The following WWOX variants were observed in gnomAD, a reference collection of about 807,000 sequenced individuals.
WWOX encodes WW domain containing oxidoreductase.
In WWOX, 69 loss-of-function variants were observed where a neutral mutation model predicts 46.2. The observed-to-expected ratio is 1.49, with a 90% CI of 1.23 to 1.82. WWOX has a LOEUF of 1.82. Ranked by LOEUF, WWOX falls within the 40% of genes most tolerant of loss-of-function variation. The probability of loss-of-function intolerance (pLI) is 0.00; values close to 1 mark genes in which losing one functional copy is unlikely to be tolerated. For missense variants in WWOX, 919 were observed against 542.6 expected (o/e 1.69, Z -6.89); for synonymous variants, 359 against 202.6 (o/e 1.77, Z -6.56).
chr16:78,321,579 G>A lies in WWOX; in HGVS notation c.517-65281G>A, dbSNP rs535023132. On this transcript the variant is annotated intron_variant, in intron 5 of 8. Transcript: ENST00000566780. The stretch of plus-strand genomic sequence containing the variant: ...AGGACTGAATTTGAAGTCCTTAAAT[G>A]GATGTCCTAACAGTGAATAAAGACG... Among the ~76,000 whole-genome samples, 485 of 152,032 alleles carry A rather than the reference G, an allele frequency of 3.2e-3. 2 individuals are homozygous for A. The highest frequency in any genetic ancestry group is 0.011 in the African/African-American group (466 of 41,460).
intron 8 of WWOX, among the ~76,000 whole-genome samples, chr16:78,554,004 G>A (rs752586112): frequency 6.6e-6 from 1 of 152,062 alleles, no homozygotes; most frequent in Non-Finnish European, 1.5e-5. Context: ...TTTTCTGAGG[G>A]CATCAAACAC....
intron 8 of WWOX, among the ~76,000 whole-genome samples, chr16:78,681,990 A>G (rs1192943026): frequency 6.6e-6 from 1 of 152,172 alleles, no homozygotes; most frequent in Non-Finnish European, 1.5e-5. Flanking sequence ...CTCTCAGACC[A>G]CAGTTGGAGC....
intron 8 of WWOX, among the ~76,000 whole-genome samples, chr16:78,859,655 C>T (rs576358749): frequency 6.6e-6 from 1 of 152,088 alleles, no homozygotes; most frequent in Non-Finnish European, 1.5e-5. Flanking sequence ...CTGTGATTCT[C>T]TTGGTTTAAG....
chr16:78,893,452 C>G (rs911886173), intron 8 of WWOX, among the ~76,000 whole-genome samples: 1 of 152,052 alleles, frequency 6.6e-6, no homozygotes, highest in Non-Finnish European at 1.5e-5. Flanking sequence ...TTTTCTGTTG[C>G]TACTTAGGAA....
chr16:78,189,606 C>G (rs562724401), intron 5 of WWOX, among the ~76,000 whole-genome samples: 1 of 152,174 alleles, frequency 6.6e-6, no homozygotes, highest in Non-Finnish European at 1.5e-5. Flanking sequence ...CAGTGGCTAT[C>G]ATAATAATGG....
intron 8 of WWOX, among the ~76,000 whole-genome samples, chr16:78,888,415 A>T (rs77291319): frequency 0.021 from 3,262 of 152,176 alleles, 113 homozygotes; most frequent in Admixed American, 0.086. Flanking sequence ...TGTTACTCCT[A>T]TTCTTTTTGT....
chr16:78,155,066 G>T (rs1025303137), intron 4 of WWOX, among the ~76,000 whole-genome samples: 4 of 152,144 alleles, frequency 2.6e-5, no homozygotes, highest in Non-Finnish European at 5.9e-5. Context: ...TGGGCCCCCA[G>T]TGGTGTAAGC....
intron 8 of WWOX, among the ~76,000 whole-genome samples, chr16:78,695,798 C>T (rs917638295): frequency 6.6e-6 from 1 of 152,208 alleles, no homozygotes; most frequent in Non-Finnish European, 1.5e-5. Context: ...GAGCATTGAC[C>T]AGGTGCCCAA....
At chr16:78,526,321 T>G (rs1399637240) in intron 8 of WWOX, 2 of 152,294 alleles carry the variant, frequency 1.3e-5, no homozygotes, top group East Asian at 1.9e-4. Context: ...TGCGACCTTT[T>G]CTTCCAAGAG....
chr16:79,134,823 G>A (rs760084571), intron 8 of WWOX, among the ~76,000 whole-genome samples: 6 of 152,172 alleles, frequency 3.9e-5, no homozygotes, highest in Non-Finnish European at 8.8e-5. Context: ...ATTTGACACG[G>A]GATGGCCTAA....
intron 8 of WWOX, among the ~76,000 whole-genome samples, chr16:78,921,244 G>A (rs778338637): frequency 1.1e-4 from 17 of 152,008 alleles, no homozygotes; most frequent in East Asian, 5.8e-4. Context: ...CCTCGAAACC[G>A]CACTGTGCCA....
chr16:78,394,788 A>G (rs2082248563), intron 6 of WWOX, among the ~76,000 whole-genome samples: 2 of 152,246 alleles, frequency 1.3e-5, no homozygotes, highest in South Asian at 4.1e-4. Context: ...ACAATGGGCC[A>G]GATTGGCCAG....
In WWOX at chr16:79,062,608, G is replaced by C. The variant is rs1449645302; in HGVS notation, c.1057-149000G>C. Among the ~76,000 whole-genome samples the C allele has an allele frequency of 2.0e-5, 3 of 151,860 alleles. No individual in the cohort carries two copies. In the East Asian group the frequency reaches 5.8e-4, roughly 29 times the overall value. ...GGAGAGTAATGACAACTTCAAATTAGTTTAATGAATGTTTACATTTAAAAA... is the reference window on the plus strand; with the variant it reads ...GGAGAGTAATGACAACTTCAAATTACTTTAATGAATGTTTACATTTAAAAA... On this transcript the variant is annotated intron_variant, in intron 8 of 8. Transcript: ENST00000566780.
At chr16:79,030,707 A>G (rs2151394932) in intron 8 of WWOX, among the ~76,000 whole-genome samples, 1 of 152,256 alleles carries the variant, frequency 6.6e-6, no homozygotes, top group South Asian at 2.1e-4. Context: ...TTGTACCAGT[A>G]TCTTCTACCC....
At position 78,738,525 on chromosome 16, in the gene WWOX, A is replaced by G. The variant is rs191590457; in HGVS notation, c.1056+305773A>G. On this transcript the variant is annotated intron_variant, in intron 8 of 8. Transcript: ENST00000566780. ...TGGGAGTATTGGCATATGTTAAAAT[A>G]CAAATATATCTGTATTTTTCTCACT... 3.0e-4 allele frequency among the ~76,000 whole-genome samples: 45 copies of G among 152,350 alleles called. No individual in the cohort carries two copies. The East Asian group carries it at 7.9e-3, about 27-fold the overall frequency.
At chr16:78,953,179 G>A (rs1386562533) in intron 8 of WWOX, among the ~76,000 whole-genome samples, 1 of 152,042 alleles carries the variant, frequency 6.6e-6, no homozygotes, top group Admixed American at 6.6e-5. Context: ...CCGTGGTTCT[G>A]ACCAGGCAGG....
At chr16:79,047,557 G>T (rs2048088627) in intron 8 of WWOX, among the ~76,000 whole-genome samples, 1 of 151,812 alleles carries the variant, frequency 6.6e-6, no homozygotes. Context: ...GTGTATCAGT[G>T]TCCTGTGGCT....
At chr16:78,611,502 C>T (rs1406253060) in intron 8 of WWOX, among the ~76,000 whole-genome samples, 1 of 152,164 alleles carries the variant, frequency 6.6e-6, no homozygotes, top group Non-Finnish European at 1.5e-5. Flanking sequence ...CCCTGCCCTC[C>T]TCCTTCCCAC....
intron 8 of WWOX, among the ~76,000 whole-genome samples, chr16:78,516,948 G>C (rs4888815): frequency 0.53 from 80,398 of 151,928 alleles, 25,130 homozygotes; most frequent in Admixed American, 0.68. Flanking sequence ...CCTTTTTGGA[G>C]ACTTGGGTCT....
Sources: allele counts gnomAD v4.1 joint callset (sites outside exome capture counted in the v4.1 genomes callset), GRCh38; gene constraint gnomAD v4.1.1; transcripts MANE v1.5; gene names NCBI Gene and HGNC (gene_info 2026-07-23, HGNC 2026-07-21).